Variants in ZNF141 observed in about 807,000 individuals in gnomAD.
The protein encoded by ZNF141 is zinc finger protein 141 (clone pHZ-44).
ZNF141 carries 7 observed loss-of-function variants against 11.3 expected under a neutral mutation model. That is an observed-to-expected ratio of 0.62 (90% CI 0.35 to 1.16). The LOEUF (loss-of-function observed/expected upper bound fraction) is 1.16. Among genes scored for constraint, ZNF141 ranks in the 50% most tolerant of loss-of-function variants. ZNF141 has a pLI of 0.02. For synonymous variants in ZNF141, 183 were observed against 190.7 expected (o/e 0.96, Z 0.33); for missense variants, 535 against 554.0 (o/e 0.97, Z 0.34).
chr4:370,833 C>T (rs1296906394), intron 3 of ZNF141, among the ~76,000 whole-genome samples: 1 of 151,998 alleles, frequency 6.6e-6, no homozygotes, highest in Non-Finnish European at 1.5e-5. Flanking sequence ...CAGGTTCACA[C>T]CATTCTCCTG....
chr4:343,745 A>G, intron 1 of ZNF141, 37 bp from the exon 2 acceptor site: 1 of 1,468,964 alleles, frequency 6.8e-7, no homozygotes, highest in Non-Finnish European at 9.0e-7. Context: ...AAAAAAAAAA[A>G]AAAGAACTAT....
At chr4:363,230 C>T (rs1463891573) in intron 3 of ZNF141, among the ~76,000 whole-genome samples, 2 of 152,126 alleles carry the variant, frequency 1.3e-5, no homozygotes, top group African/African-American at 4.8e-5. Flanking sequence ...GATTTTGTGT[C>T]CTGAGACTTT....
At chr4:372,630 A>C in intron 3 of ZNF141, 34 bp from the exon 4 acceptor site, 1 of 1,442,144 alleles carries the variant, frequency 6.9e-7, no homozygotes, top group Non-Finnish European at 9.3e-7. Flanking sequence ...TGAATCTACT[A>C]AGTGGGATAA....
intron 3 of ZNF141, among the ~76,000 whole-genome samples, chr4:353,373 T>TAA (rs368418265): frequency 0.15 from 20,436 of 139,460 alleles, 2,000 homozygotes; most frequent in African/African-American, 0.28. Context: ...AGACCCTGTC[T>TAA]AAAAAAAAAA....
intron 3 of ZNF141, chr4:350,028 G>A (rs555464240): frequency 3.8e-5 from 17 of 451,494 alleles, no homozygotes; most frequent in Non-Finnish European, 7.7e-5. Flanking sequence ...GCTGAGGCCA[G>A]GATATACAGG....
chr4:343,259 C>T (rs1317365018), intron 1 of ZNF141, among the ~76,000 whole-genome samples: 3 of 152,052 alleles, frequency 2.0e-5, no homozygotes, highest in African/African-American at 4.8e-5. Context: ...CAGTGTAGCC[C>T]ATTATTTTTA....
intron 3 of ZNF141, among the ~76,000 whole-genome samples, chr4:357,050 G>C (rs1553851292): frequency 6.6e-6 from 1 of 151,988 alleles, no homozygotes; most frequent in Non-Finnish European, 1.5e-5. Context: ...AACCTTTGTG[G>C]GCTCAAGCAA....
rs1712808137 is a variant in ZNF141 at position 384,228 on chromosome 4, C to T, written c.*10366C>T. 2.0e-5 allele frequency: 3 copies of T among 152,198 alleles called. No individual in the cohort carries two copies. Among genetic ancestry groups the T allele is most frequent in the Middle Eastern group, 3.2e-3 (1 of 316 alleles). The allele number at this position is 152,198 out of a possible 1,614,324, so 9.4% of individuals were successfully genotyped here. A position where few individuals can be genotyped will look rare whatever the true frequency, so the allele number is the denominator to read the frequency against. Reference sequence around the variant, plus strand: ...TGCCTTTAATCTATTCCCTCCACATCTAAACTCTGGAGGGCAAGGCTGTGA... The same window carrying T: ...TGCCTTTAATCTATTCCCTCCACATTTAAACTCTGGAGGGCAAGGCTGTGA... On this transcript the variant is annotated 3_prime_UTR_variant, in exon 4 of 4. Transcript: ENST00000240499.
chr4:374,860 TG>T lies in ZNF141; in HGVS notation c.*1000del, dbSNP rs1295135267. The T allele has an allele frequency of 6.6e-6, 1 of 152,464 alleles. No individual in the cohort carries two copies. Among genetic ancestry groups the T allele is most frequent in the African/African-American group, 2.4e-5 (1 of 41,424 alleles). 9.4% of individuals were successfully genotyped at this position (152,464 alleles called of 1,614,324 possible). The stretch of plus-strand genomic sequence containing the variant: ...TCACACTGAAGAGAAACTGCAAACG[TG>T]GAAAGTGTGACAAAGCTTGCAACCA... On this transcript the variant is annotated 3_prime_UTR_variant, in exon 4 of 4. Transcript: ENST00000240499.
At chr4:350,920 T>TC (rs1419946474) in intron 3 of ZNF141, among the ~76,000 whole-genome samples, 14 of 151,754 alleles carry the variant, frequency 9.2e-5, no homozygotes, top group Admixed American at 5.2e-4. Context: ...TTTGTACTTT[T>TC]TTTTTTTTTT....
chr4:369,887 C>A (rs1007448790), intron 3 of ZNF141, among the ~76,000 whole-genome samples: 3 of 149,958 alleles, frequency 2.0e-5, no homozygotes, highest in Non-Finnish European at 3.0e-5. Flanking sequence ...CTGCCTCAGC[C>A]TCCTGAGTAG....
At position 354,187 on chromosome 4, in the gene ZNF141, T is replaced by C. The variant is rs1195294257; in HGVS notation, c.226+9757T>C. 2.0e-5 allele frequency among the ~76,000 whole-genome samples: 3 copies of C among 152,166 alleles called. No homozygotes were observed. In the East Asian group the frequency reaches 5.8e-4, roughly 29 times the overall value. ...CAGAGGTGCCCTGCCTGGGTGAATA[T>C]CTAGAGCACTAACCAGTCCTTTTAC... On this transcript the variant is annotated intron_variant, in intron 3 of 3. Coordinates refer to ENST00000240499, the MANE Select transcript of ZNF141 (RefSeq NM_003441.4).
Position 347,545 on chromosome 4 carries a change from T to C in ZNF141, c.226+3115T>C, listed in dbSNP as rs373790123. On this transcript the variant is annotated intron_variant, in intron 3 of 3. Coordinates refer to ENST00000240499, the MANE Select transcript of ZNF141 (RefSeq NM_003441.4). ...TAGTAGAGACAGGGTTTCGCTGTGT[T>C]AGCCAGGATGGTCTTGGTCTCCTGA... is the stretch of plus-strand genomic sequence containing the variant. Among the ~76,000 whole-genome samples the C allele has an allele frequency of 5.8e-3, 886 of 151,488 alleles. 11 individuals are homozygous for C. Among genetic ancestry groups the C allele is most frequent in the African/African-American group, 0.019 (802 of 41,248 alleles).
intron 3 of ZNF141, among the ~76,000 whole-genome samples, chr4:347,581 C>T (rs889729773): frequency 7.3e-5 from 11 of 151,282 alleles, no homozygotes; most frequent in Admixed American, 2.0e-4. Context: ...TCTCATGATC[C>T]GCCTGCCTCG....
intron 3 of ZNF141, chr4:350,281 G>A: frequency 3.8e-6 from 2 of 522,518 alleles, no homozygotes; most frequent in Non-Finnish European, 3.9e-6. Flanking sequence ...GCTCCACTGA[G>A]GTTTCACAAC....
At chr4:360,342 A>G (rs1367668658) in intron 3 of ZNF141, among the ~76,000 whole-genome samples, 4 of 152,260 alleles carry the variant, frequency 2.6e-5, no homozygotes, top group Non-Finnish European at 5.9e-5. Flanking sequence ...ACATTGTGTA[A>G]TAAGTAAATG....
intron 1 of ZNF141, among the ~76,000 whole-genome samples, chr4:342,122 C>A (rs1219537845): frequency 6.6e-6 from 1 of 152,130 alleles, no homozygotes; most frequent in African/African-American, 2.4e-5. Flanking sequence ...CTGGGCCCTG[C>A]CTTTAAATCT....
At chr4:361,266 A>G (rs769025651) in intron 3 of ZNF141, among the ~76,000 whole-genome samples, 5 of 151,632 alleles carry the variant, frequency 3.3e-5, no homozygotes, top group Non-Finnish European at 5.9e-5. Flanking sequence ...TACTGTTTCT[A>G]TACTTTTGGC....
intron 1 of ZNF141, among the ~76,000 whole-genome samples, chr4:341,538 CAG>C (rs1200652757): frequency 6.6e-6 from 1 of 152,152 alleles, no homozygotes; most frequent in Non-Finnish European, 1.5e-5. Context: ...ATACAAAAGA[CAG>C]AGAAGTGGCT....
Sources: gnomAD v4.1 joint callset for allele counts (sites outside exome capture counted in the v4.1 genomes callset) on GRCh38, gnomAD v4.1.1 for gene constraint, MANE v1.5 for transcripts, NCBI Gene and HGNC (gene_info 2026-07-23, HGNC 2026-07-21) for gene names.